EHMT1: variants seen among roughly 807,000 people sequenced by gnomAD.
EHMT1 encodes the protein euchromatic histone lysine methyltransferase 1, also known as histone-lysine N-methyltransferase EHMT1.
In EHMT1, 15 loss-of-function variants were observed where a neutral mutation model predicts 147.2. The observed-to-expected ratio is 0.10, with a 90% CI of 0.07 to 0.16. The LOEUF is 0.16. EHMT1 is among the 10% of genes least tolerant of loss of function. The pLI is 1.00. For missense variants in EHMT1, 1,587 were observed against 1,772.4 expected, an observed-to-expected ratio of 0.90 and a Z score of 1.88; for synonymous variants, 795 against 709.6, an observed-to-expected ratio of 1.12 and a Z score of -1.91.
At position 137,757,877 on chromosome 9, in the gene EHMT1, T is replaced by C; in HGVS notation, c.1370-3T>C. The stretch of plus-strand genomic sequence containing the variant: ...GTCTGATGTGTGTGCCTTTCATACC[T>C]AGGTTCTGAGTCGTATAAGTCATCT... On this transcript the variant is annotated splice_region_variant and splice_polypyrimidine_tract_variant and intron_variant, in intron 8 of 26. Coordinates refer to ENST00000460843, the MANE Select transcript of EHMT1 (RefSeq NM_024757.5). 3.7e-6 allele frequency: 6 copies of C among 1,613,856 alleles called. No individual in the cohort carries two copies. Among genetic ancestry groups the C allele is most frequent in the Non-Finnish European group, 5.1e-6 (6 of 1,179,992 alleles).
chr9:137,778,849 G>A (rs1312418580), intron 13 of EHMT1, among the ~76,000 whole-genome samples: 1 of 152,240 alleles, frequency 6.6e-6, no homozygotes, highest in Non-Finnish European at 1.5e-5. Flanking sequence ...AGGAAGCATG[G>A]TGCTGGCATC....
chr9:137,821,476 C>T (rs1955419435), intron 25 of EHMT1, among the ~76,000 whole-genome samples: 1 of 151,952 alleles, frequency 6.6e-6, no homozygotes, highest in South Asian at 2.1e-4. Flanking sequence ...TACAAGTGTG[C>T]ACTACAATGC....
chr9:137,823,706 C>T (rs529817035), intron 25 of EHMT1, among the ~76,000 whole-genome samples: 32 of 152,058 alleles, frequency 2.1e-4, no homozygotes, highest in African/African-American at 7.2e-4. Context: ...CCACCACGCC[C>T]GGCCCAACGC....
rs375296487 is a variant in EHMT1 at position 137,674,623 on chromosome 9, A to G, written c.22-36344A>G. 3.2e-4 allele frequency among the ~76,000 whole-genome samples: 49 copies of G among 152,338 alleles called. 1 individual carries two copies. The East Asian group carries it at 8.5e-3, about 26-fold the overall frequency. On this transcript the variant is annotated intron_variant, in intron 1 of 26. Coordinates refer to ENST00000460843, the MANE Select transcript of EHMT1 (RefSeq NM_024757.5). ...CTCTTGATGTGTGAGACCCGCATTTATATTTAATCATCATCTTAGAGTATA... is the reference window on the plus strand; with the variant it reads ...CTCTTGATGTGTGAGACCCGCATTTGTATTTAATCATCATCTTAGAGTATA...
At chr9:137,751,624 G>A (rs190530423) in intron 6 of EHMT1, among the ~76,000 whole-genome samples, 1 of 152,336 alleles carries the variant, frequency 6.6e-6, no homozygotes, top group Non-Finnish European at 1.5e-5. Context: ...GTCTATTTGC[G>A]TATTGCCTGT....
intron 1 of EHMT1, among the ~76,000 whole-genome samples, chr9:137,654,862 G>T (rs547368436): frequency 1.3e-5 from 2 of 152,354 alleles, no homozygotes; most frequent in Admixed American, 6.5e-5. Context: ...GGGCCAGGTG[G>T]TGGGGTACAG....
intron 1 of EHMT1, chr9:137,676,525 C>A (rs2134411040): frequency 6.6e-6 from 1 of 152,346 alleles, no homozygotes; most frequent in East Asian, 1.9e-4. Flanking sequence ...ACCACCACAC[C>A]CGGCTAATTT....
intron 2 of EHMT1, among the ~76,000 whole-genome samples, chr9:137,714,070 G>A: frequency 6.6e-6 from 1 of 152,160 alleles, no homozygotes; most frequent in Non-Finnish European, 1.5e-5. Context: ...CTGCATAAAA[G>A]CTTGTGTCAT....
At chr9:137,692,108 C>T (rs1416511533) in intron 1 of EHMT1, among the ~76,000 whole-genome samples, 1 of 152,138 alleles carries the variant, frequency 6.6e-6, no homozygotes, top group East Asian at 1.9e-4. Context: ...GAATCATACA[C>T]AACACCAGCC....
intron 16 of EHMT1, chr9:137,791,933 A>G (rs532473422): frequency 1.5e-4 from 52 of 346,562 alleles, no homozygotes; most frequent in African/African-American, 1.1e-3. Context: ...GGGTTTCACC[A>G]TGTTGGCCAA....
At chr9:137,777,761 T>C in intron 12 of EHMT1, 121 bp from the exon 13 acceptor site, 1 of 1,418,154 alleles carries the variant, frequency 7.1e-7, no homozygotes, top group Non-Finnish European at 9.8e-7. Context: ...ATCCAGGGAC[T>C]AAGCGGACAG....
intron 22 of EHMT1, chr9:137,814,959 T>C: frequency 3.5e-6 from 1 of 284,028 alleles, no homozygotes; most frequent in Admixed American, 4.6e-5. Context: ...TGGGTGCTGG[T>C]CCTCGGAGGA....
At chr9:137,809,824 CTG>C (rs1954268701) in intron 18 of EHMT1, among the ~76,000 whole-genome samples, 2 of 152,274 alleles carry the variant, frequency 1.3e-5, no homozygotes, top group Admixed American at 1.3e-4. Flanking sequence ...AGCTGAGTGA[CTG>C]TGGGGGAAGG....
intron 10 of EHMT1, among the ~76,000 whole-genome samples, chr9:137,772,268 C>A (rs1950635056): frequency 6.6e-6 from 1 of 152,124 alleles, no homozygotes; most frequent in Non-Finnish European, 1.5e-5. Flanking sequence ...AGAGAAAATA[C>A]TGGTAATTTT....
chr9:137,628,728 G>A (rs1048409491), intron 1 of EHMT1, among the ~76,000 whole-genome samples: 31 of 152,246 alleles, frequency 2.0e-4, no homozygotes, highest in African/African-American at 7.2e-4. Flanking sequence ...GTAAGGGCCA[G>A]CAAGGGTGAT....
chr9:137,703,001 G>C (rs1943964712), intron 1 of EHMT1, among the ~76,000 whole-genome samples: 1 of 152,210 alleles, frequency 6.6e-6, no homozygotes, highest in Admixed American at 6.5e-5. Flanking sequence ...CTCTTGCCCT[G>C]TGTGCACCTG....
intron 2 of EHMT1, among the ~76,000 whole-genome samples, chr9:137,711,260 G>T (rs1013367111): frequency 3.9e-5 from 6 of 152,130 alleles, no homozygotes; most frequent in African/African-American, 1.4e-4. Context: ...CAAAAATCCT[G>T]TATATCCTTG....
chr9:137,826,491 C>T (rs951747501), intron 25 of EHMT1, among the ~76,000 whole-genome samples: 15 of 152,204 alleles, frequency 9.9e-5, no homozygotes, highest in Admixed American at 3.3e-4. Flanking sequence ...TGTCTCAGTC[C>T]GTTGAGGCTG....
intron 26 of EHMT1, 120 bp downstream of exon 26, chr9:137,834,644 A>G: frequency 6.3e-7 from 1 of 1,592,974 alleles, no homozygotes; most frequent in South Asian, 1.1e-5. Context: ...CTGTAGTTCT[A>G]AAAACTGCGA....
Sources: gnomAD v4.1 joint callset for allele counts (sites outside exome capture counted in the v4.1 genomes callset) on GRCh38, gnomAD v4.1.1 for gene constraint, MANE v1.5 for transcripts, NCBI Gene and HGNC (gene_info 2026-07-23, HGNC 2026-07-21) for gene names.